PPARGC1A: variants seen among roughly 807,000 people sequenced by gnomAD.
PPARGC1A encodes peroxisome proliferator-activated receptor gamma coactivator 1-alpha.
In PPARGC1A, 25 loss-of-function variants were observed where a neutral mutation model predicts 88.7. The observed-to-expected ratio is 0.28, with a 90% CI of 0.21 to 0.39. PPARGC1A has a LOEUF of 0.39. Ranked by LOEUF, PPARGC1A falls within the 10% of genes least tolerant of loss-of-function variation. The pLI, the probability that PPARGC1A is intolerant of heterozygous loss-of-function variation, is 1.00. For missense variants in PPARGC1A, 880 were observed against 968.7 expected, an observed-to-expected ratio of 0.91 and a Z score of 1.22; for synonymous variants, 363 against 355.6, an observed-to-expected ratio of 1.02 and a Z score of -0.24.
the PPARGC1A span, among the ~76,000 whole-genome samples, chr4:24,159,430 C>T: frequency 3.9e-5 from 6 of 151,932 alleles, no homozygotes; most frequent in East Asian, 1.9e-4. Flanking sequence ...AGGCTGGTCT[C>T]GAACTCCTGA....
chr4:24,035,766 C>T, the PPARGC1A span, among the ~76,000 whole-genome samples: 25 of 151,950 alleles, frequency 1.6e-4, no homozygotes, highest in African/African-American at 5.6e-4. Flanking sequence ...AGGTAACTGG[C>T]GTTTATATAG....
the PPARGC1A span, among the ~76,000 whole-genome samples, chr4:24,266,298 G>A: frequency 5.3e-5 from 8 of 152,086 alleles, no homozygotes; most frequent in African/African-American, 1.2e-4. Context: ...AAGGTGTGCC[G>A]CTGAGGAGTT....
chr4:24,387,801 AAAGAAAGAAAGAAAGAAAG>A, the PPARGC1A span, among the ~76,000 whole-genome samples: 1 of 115,386 alleles, frequency 8.7e-6, no homozygotes, highest in African/African-American at 2.9e-5. Context: ...AGAAAGAAAG[AAAGAAAGAAAGAAAGAAAG>A]AAAGAGAGAA....
chr4:23,914,536 AAC>A, the PPARGC1A span, among the ~76,000 whole-genome samples: 12 of 152,168 alleles, frequency 7.9e-5, no homozygotes, highest in Non-Finnish European at 1.5e-4. Context: ...CCACCTCTAA[AAC>A]TTCCCCAAAA....
chr4:24,043,938 C>T, the PPARGC1A span, among the ~76,000 whole-genome samples: 1 of 152,134 alleles, frequency 6.6e-6, no homozygotes, highest in African/African-American at 2.4e-5. Flanking sequence ...TTGAAAGAAA[C>T]CACCTGTCCT....
chr4:23,971,543 C>G, the PPARGC1A span, among the ~76,000 whole-genome samples: 1 of 152,172 alleles, frequency 6.6e-6, no homozygotes, highest in African/African-American at 2.4e-5. Context: ...AACTCAAGAA[C>G]TTAGAGTCCG....
chr4:23,872,515 A>G (rs1713612923), intron 2 of PPARGC1A, among the ~76,000 whole-genome samples: 2 of 152,208 alleles, frequency 1.3e-5, no homozygotes, highest in African/African-American at 4.8e-5. Flanking sequence ...CTCCAGCAGA[A>G]TTCCATTTCA....
At chr4:23,917,894 A>C in the PPARGC1A span, among the ~76,000 whole-genome samples, 1 of 152,214 alleles carries the variant, frequency 6.6e-6, no homozygotes, top group African/African-American at 2.4e-5. Flanking sequence ...TTGTAACAAT[A>C]AATTTTATCT....
chr4:23,899,419 TTTG>T (rs1719028103), upstream of PPARGC1A: 1 of 152,240 alleles, frequency 6.6e-6, no homozygotes, highest in South Asian at 2.1e-4. Flanking sequence ...ATATTTCAGC[TTTG>T]TTATTTTGTT....
chr4:24,214,526 A>G, the PPARGC1A span, among the ~76,000 whole-genome samples: 36 of 152,320 alleles, frequency 2.4e-4, 1 homozygote, highest in Middle Eastern at 3.4e-3. Context: ...AGAGATGGGT[A>G]GGACTGCCAC....
At chr4:24,244,788 A>G in the PPARGC1A span, among the ~76,000 whole-genome samples, 1 of 152,176 alleles carries the variant, frequency 6.6e-6, no homozygotes, top group Non-Finnish European at 1.5e-5. Flanking sequence ...ACAAAGAACT[A>G]TCAGGTCCAA....
the PPARGC1A span, among the ~76,000 whole-genome samples, chr4:24,217,531 G>C: frequency 6.6e-6 from 1 of 152,146 alleles, no homozygotes; most frequent in Admixed American, 6.6e-5. Flanking sequence ...GGCTAGGCAT[G>C]GGGGCTTATG....
At chr4:24,408,260 GA>G in the PPARGC1A span, among the ~76,000 whole-genome samples, 2,023 of 113,860 alleles carry the variant, frequency 0.018, 59 homozygotes, top group East Asian at 0.14. Flanking sequence ...TTCAAACAAA[GA>G]AAAAAAAAAG....
chr4:23,808,068 G>T (rs774799710), intron 10 of PPARGC1A, among the ~76,000 whole-genome samples: 1 of 151,836 alleles, frequency 6.6e-6, no homozygotes, highest in Non-Finnish European at 1.5e-5. Flanking sequence ...TGGCCAACAC[G>T]GTGAAACCCC....
intron 2 of PPARGC1A, among the ~76,000 whole-genome samples, chr4:23,863,852 T>C (rs968231210): frequency 6.6e-6 from 1 of 152,178 alleles, no homozygotes; most frequent in Non-Finnish European, 1.5e-5. Context: ...GTTCAAGTGA[T>C]TCTCCTGCCT....
intron 2 of PPARGC1A, among the ~76,000 whole-genome samples, chr4:23,845,296 T>A (rs1577487087): frequency 6.6e-6 from 1 of 152,160 alleles, no homozygotes; most frequent in East Asian, 1.9e-4. Flanking sequence ...GTATATTTGC[T>A]GACAAAAAGA....
At chr4:24,065,493 A>G in the PPARGC1A span, among the ~76,000 whole-genome samples, 2 of 152,192 alleles carry the variant, frequency 1.3e-5, no homozygotes, top group Non-Finnish European at 2.9e-5. Flanking sequence ...CAGTGTGGCT[A>G]AGAAAAACAG....
the PPARGC1A span, among the ~76,000 whole-genome samples, chr4:24,465,466 G>A: frequency 0.21 from 31,248 of 151,996 alleles, 3,327 homozygotes; most frequent in Non-Finnish European, 0.23. Context: ...ATTTAATGCC[G>A]TCTGCTGTAC....
At chr4:23,975,627 A>AG in the PPARGC1A span, among the ~76,000 whole-genome samples, 3 of 152,178 alleles carry the variant, frequency 2.0e-5, no homozygotes, top group Non-Finnish European at 4.4e-5. Context: ...GATGTTGGCC[A>AG]GGCTGGTCTT....
Sources: gnomAD v4.1 joint callset for allele counts (sites outside exome capture counted in the v4.1 genomes callset) on GRCh38, gnomAD v4.1.1 for gene constraint, MANE v1.5 for transcripts, NCBI Gene and HGNC (gene_info 2026-07-23, HGNC 2026-07-21) for gene names.